The following C1orf105 variants were observed in gnomAD, a reference collection of about 807,000 sequenced individuals.
C1orf105 encodes uncharacterized protein C1orf105.
A neutral mutation model predicts 20.8 loss-of-function variants in C1orf105; 17 were observed. The observed-to-expected ratio is 0.82, with a 90% CI of 0.56 to 1.23. The LOEUF is 1.23. Among genes scored for constraint, C1orf105 ranks in the 50% most tolerant of loss-of-function variants. The pLI is 0.00. For synonymous variants in C1orf105, 72 were observed against 72.1 expected (o/e 1.00, Z 0.01); for missense variants, 219 against 213.5 (o/e 1.03, Z -0.16).
intron 6 of C1orf105, among the ~76,000 whole-genome samples, chr1:172,466,224 C>G (rs891089393): frequency 6.6e-6 from 1 of 152,036 alleles, no homozygotes; most frequent in African/African-American, 2.4e-5. Context: ...AAGGGAGGAC[C>G]AGAACTCAGG....
intron 1 of C1orf105, chr1:172,441,905 C>G: frequency 6.2e-7 from 1 of 1,614,132 alleles, no homozygotes; most frequent in Non-Finnish European, 8.5e-7. Flanking sequence ...AGGCCTCCCA[C>G]GGCTGAAAAT....
rs11462736 is a variant in C1orf105, at chr1:172,451,867, C to CTTTTTTTTTTTTTTTT, written c.198+3343_198+3358dup. ...AAATAATTCTGCCTTTATATGGATT[C>CTTTTTTTTTTTTTTTT]TTTTTTTTTTTTTTTTTTTTTTGAG... On this transcript the variant is annotated intron_variant, in intron 3 of 6. Coordinates refer to ENST00000367727, the MANE Select transcript of C1orf105 (RefSeq NM_139240.4). Among the ~76,000 whole-genome samples, 3 of 85,196 alleles carry CTTTTTTTTTTTTTTTT rather than the reference C, an allele frequency of 3.5e-5. 1 individual carries two copies. The highest frequency in any genetic ancestry group is 4.2e-5 in the Non-Finnish European group (2 of 48,132). 55.9% of individuals were successfully genotyped at this position (85,196 alleles called of 152,430 possible).
intron 6 of C1orf105, among the ~76,000 whole-genome samples, chr1:172,466,903 A>G (rs1650107144): frequency 6.6e-6 from 1 of 152,240 alleles, no homozygotes; most frequent in South Asian, 2.1e-4. Context: ...TCTACTGTTT[A>G]TTATAGCCAT....
At chr1:172,422,960 C>G (rs866738774) in intron 1 of C1orf105, among the ~76,000 whole-genome samples, 1 of 152,162 alleles carries the variant, frequency 6.6e-6, no homozygotes, top group Non-Finnish European at 1.5e-5. Flanking sequence ...AGGTCAGCCA[C>G]AGTAGAATAC....
chr1:172,432,467 C>A (rs974205229), intron 1 of C1orf105, among the ~76,000 whole-genome samples: 21 of 152,204 alleles, frequency 1.4e-4, no homozygotes, highest in Non-Finnish European at 2.1e-4. Context: ...GATAACCAGG[C>A]AAACAGGGTC....
chr1:172,425,040 T>C (rs1295776516), intron 1 of C1orf105, among the ~76,000 whole-genome samples: 1 of 152,170 alleles, frequency 6.6e-6, no homozygotes, highest in African/African-American at 2.4e-5. Flanking sequence ...ATTGGTAAAA[T>C]CAATTTGTTC....
rs117006538 is a variant in C1orf105 at position 172,445,925 on chromosome 1, T to C, written c.107+767T>C. 1.3e-3 allele frequency among the ~76,000 whole-genome samples: 196 copies of C among 152,244 alleles called. 2 individuals are homozygous for C. In the East Asian group the frequency reaches 0.028, roughly 22 times the overall value. ...CTCCTTGGCATTCGAAACAGCTCGT[T>C]AGAAAAGCCAGACTCCCCAAAAAGA... is the stretch of plus-strand genomic sequence containing the variant. On this transcript the variant is annotated intron_variant, in intron 2 of 6. Transcript: ENST00000367727.
At chr1:172,461,386 A>T (rs1649680475) in intron 4 of C1orf105, among the ~76,000 whole-genome samples, 1 of 152,218 alleles carries the variant, frequency 6.6e-6, no homozygotes, top group African/African-American at 2.4e-5. Flanking sequence ...TCACTTAGTG[A>T]GTAGAGTAGT....
chr1:172,452,839 T>A, intron 3 of C1orf105: 1 of 1,416,146 alleles, frequency 7.1e-7, no homozygotes, highest in Non-Finnish European at 9.2e-7. Context: ...CCATTAACAT[T>A]CCAGTGCCTC....
intron 4 of C1orf105, among the ~76,000 whole-genome samples, chr1:172,458,708 A>G (rs540570843): frequency 6.6e-6 from 1 of 152,326 alleles, no homozygotes; most frequent in African/African-American, 2.4e-5. Flanking sequence ...CTTAAAATTT[A>G]TATTAAAATG....
chr1:172,439,855 A>C (rs759468461), intron 1 of C1orf105, among the ~76,000 whole-genome samples: 2,384 of 152,336 alleles, frequency 0.016, 24 homozygotes, highest in Middle Eastern at 0.027. Context: ...CTATAGAATA[A>C]TTATGAGGCA....
intron 1 of C1orf105, chr1:172,430,150 T>C (rs2071830800): frequency 2.0e-6 from 1 of 490,104 alleles, no homozygotes; most frequent in African/African-American, 1.9e-5. Flanking sequence ...CACAGTATTC[T>C]CTAAAACTCT....
rs1182589718 is a variant in C1orf105 at position 172,462,177 on chromosome 1, G to A, written c.274-1G>A. On this transcript the variant is annotated splice_acceptor_variant, in intron 4 of 6. Coordinates refer to ENST00000367727, the MANE Select transcript of C1orf105 (RefSeq NM_139240.4). LOFTEE classifies it high-confidence loss of function. ...GTTCTAAATGAGACTTTCTTCTTGA[G>A]GTACAACCAAGAACAATGAAAATCC... The A allele has an allele frequency of 3.7e-6, 6 of 1,606,412 alleles. No individual in the cohort carries two copies. Among genetic ancestry groups the A allele is most frequent in the East Asian group, 4.5e-5 (2 of 44,700 alleles).
At chr1:172,433,112 C>G (rs1192732011) in intron 1 of C1orf105, among the ~76,000 whole-genome samples, 1 of 152,104 alleles carries the variant, frequency 6.6e-6, no homozygotes, top group Non-Finnish European at 1.5e-5. Context: ...AAATATGGGA[C>G]TATGTGAAAA....
chr1:172,457,453 G>A (rs115133508), intron 4 of C1orf105, among the ~76,000 whole-genome samples: 357 of 152,288 alleles, frequency 2.3e-3, no homozygotes, highest in Non-Finnish European at 3.6e-3. Context: ...GAAAGAGAGT[G>A]GCACTTTTGT....
chr1:172,448,548 G>A lies in C1orf105; in HGVS notation c.198+17G>A. On this transcript the variant is annotated intron_variant, in intron 3 of 6. Transcript: ENST00000367727. ...TTATCTAAGGTACTAAAAAATTTTT[G>A]TTGAAATGAAACCAACAGCAGTTCT... 2 of 1,512,152 alleles carry A rather than the reference G, an allele frequency of 1.3e-6. No homozygotes were observed. The highest frequency in any genetic ancestry group is 1.8e-6 in the Non-Finnish European group (2 of 1,088,258). 93.7% of individuals were successfully genotyped at this position (1,512,152 alleles called of 1,614,324 possible). A position where few individuals can be genotyped will look rare whatever the true frequency, so the allele number is the denominator to read the frequency against.
At chr1:172,430,321 A>G in intron 1 of C1orf105, 1 of 702,134 alleles carries the variant, frequency 1.4e-6, no homozygotes, top group Middle Eastern at 2.3e-4. Context: ...CAGCCCACAA[A>G]GAGGCATGCC....
At chr1:172,463,012 G>T (rs1203732712) in intron 5 of C1orf105, among the ~76,000 whole-genome samples, 1 of 152,022 alleles carries the variant, frequency 6.6e-6, no homozygotes. Context: ...CCCCACCTCT[G>T]GTGATCTGCC....
At position 172,468,459 on chromosome 1, in the gene C1orf105, C is replaced by A. The variant is rs375840548; in HGVS notation, c.417C>A (p.His139Gln). ...TGTACTGTCATCCAGAAAGCATTCA[C>A]TACAGACTGCCCATTCTGGGCCCCA... ...FHDDIPTESI[H>Q]YRLPILGPRT... is the part of the protein sequence containing the mutation. Residue 139 changes from histidine to glutamine, a missense_variant, in exon 7 of 7, where the codon CAC (histidine) becomes CAA (glutamine). Coordinates refer to ENST00000367727, the MANE Select transcript of C1orf105 (RefSeq NM_139240.4). The A allele has an allele frequency of 1.2e-6, 2 of 1,613,024 alleles. No homozygotes were observed. Among genetic ancestry groups the A allele is most frequent in the Non-Finnish European group, 1.7e-6 (2 of 1,179,242 alleles).
Sources: allele counts gnomAD v4.1 joint callset (sites outside exome capture counted in the v4.1 genomes callset), GRCh38; gene constraint gnomAD v4.1.1; transcripts MANE v1.5; gene names NCBI Gene and HGNC (gene_info 2026-07-23, HGNC 2026-07-21).